Variants in DIAPH1 observed in about 807,000 individuals in gnomAD.
DIAPH1 encodes protein diaphanous homolog 1.
A neutral mutation model predicts 140.7 loss-of-function variants in DIAPH1; 46 were observed. That is an observed-to-expected ratio of 0.33 (90% CI 0.26 to 0.42). DIAPH1 has a LOEUF of 0.42. Among genes scored for constraint, DIAPH1 ranks in the 10% least tolerant of loss-of-function variants. The pLI is 1.00. For synonymous variants in DIAPH1, 565 were observed against 551.6 expected (o/e 1.02, Z -0.34); for missense variants, 1,310 against 1,558.7 (o/e 0.84, Z 2.69).
intron 19 of DIAPH1, 77 bp downstream of exon 19, chr5:141,534,258 C>T (rs1361056838): frequency 1.5e-5 from 17 of 1,131,870 alleles, no homozygotes; most frequent in East Asian, 2.3e-5. Flanking sequence ...TATCAAGGGA[C>T]CATAGATTCA....
At chr5:141,527,002 C>A (rs1321599970) in intron 24 of DIAPH1, among the ~76,000 whole-genome samples, 2 of 152,132 alleles carry the variant, frequency 1.3e-5, no homozygotes, top group Admixed American at 1.3e-4. Context: ...CAATACAATG[C>A]AGTTTTTGTT....
intron 1 of DIAPH1, among the ~76,000 whole-genome samples, chr5:141,614,153 T>C (rs946829774): frequency 6.6e-6 from 1 of 152,170 alleles, no homozygotes; most frequent in Admixed American, 6.6e-5. Flanking sequence ...AAAGTTTGTT[T>C]CAAAATGGGG....
intron 18 of DIAPH1, among the ~76,000 whole-genome samples, chr5:141,547,247 T>C (rs1454744392): frequency 4.6e-5 from 7 of 152,190 alleles, no homozygotes; most frequent in Non-Finnish European, 1.0e-4. Flanking sequence ...GGGCGGATCA[T>C]GAGGTCAGGA....
chr5:141,582,489 T>C, intron 6 of DIAPH1, 114 bp from the exon 7 acceptor site: 1 of 777,738 alleles, frequency 1.3e-6, no homozygotes, highest in Non-Finnish European at 2.3e-6. Context: ...GATGAGTAAA[T>C]TTTAGGAAAT....
intron 1 of DIAPH1, among the ~76,000 whole-genome samples, chr5:141,610,100 C>T (rs1396042066): frequency 6.6e-6 from 1 of 152,156 alleles, no homozygotes; most frequent in Admixed American, 6.5e-5. Flanking sequence ...GAGTTCGAGA[C>T]CAGCCTGGGC....
chr5:141,591,546 T>C (rs2099898407), intron 1 of DIAPH1, among the ~76,000 whole-genome samples: 1 of 150,926 alleles, frequency 6.6e-6, no homozygotes, highest in Admixed American at 6.6e-5. Context: ...ACTGAGGTCA[T>C]ATGATTAGGG....
In DIAPH1 at chr5:141,560,055, T is replaced by TA. The variant is rs553362648; in HGVS notation, c.2482+11372dup. On this transcript the variant is annotated intron_variant, in intron 18 of 27. Transcript: ENST00000389054. ...ACATCTCTAAAAGATGATGACTTTT[T>TA]AAAAAATGCCATGAAACCATTATCA... Among the ~76,000 whole-genome samples the TA allele has an allele frequency of 3.3e-5, 5 of 152,218 alleles. No individual in the cohort carries two copies. The South Asian group carries it at 1.0e-3, about 32-fold the overall frequency.
chr5:141,594,945 G>A (rs575049476), intron 1 of DIAPH1, among the ~76,000 whole-genome samples: 4 of 151,598 alleles, frequency 2.6e-5, no homozygotes, highest in East Asian at 1.9e-4. Context: ...GGAGGCTGAG[G>A]CAGGAGAATC....
At chr5:141,538,717 G>A (rs943672200) in intron 18 of DIAPH1, among the ~76,000 whole-genome samples, 19 of 152,218 alleles carry the variant, frequency 1.2e-4, no homozygotes, top group Middle Eastern at 3.4e-3. Flanking sequence ...ACAGGCGTGA[G>A]CCACCGTGCC....
chr5:141,540,791 G>A (rs1043172539), intron 18 of DIAPH1, among the ~76,000 whole-genome samples: 4 of 151,678 alleles, frequency 2.6e-5, no homozygotes, highest in Middle Eastern at 3.4e-3. Context: ...CCTGTGTGGT[G>A]GCTCACGCCT....
intron 14 of DIAPH1, among the ~76,000 whole-genome samples, 160 bp downstream of exon 14, chr5:141,576,070 A>G (rs535547949): frequency 8.6e-4 from 131 of 152,334 alleles, no homozygotes; most frequent in African/African-American, 3.1e-3. Context: ...ACTTTCTCCA[A>G]TGACTACCCT....
intron 1 of DIAPH1, among the ~76,000 whole-genome samples, chr5:141,590,149 CATT>C (rs1471682989): frequency 1.3e-5 from 2 of 152,294 alleles, no homozygotes; most frequent in East Asian, 1.9e-4. Flanking sequence ...GAAAAATCTA[CATT>C]ATTATGTTCA....
intron 1 of DIAPH1, among the ~76,000 whole-genome samples, chr5:141,601,671 C>T (rs6880741): frequency 0.13 from 20,338 of 152,190 alleles, 1,349 homozygotes; most frequent in South Asian, 0.16. Context: ...AAAATCATGT[C>T]TTATTCAACT....
chr5:141,584,888 G>A (rs754781945), intron 3 of DIAPH1, among the ~76,000 whole-genome samples: 3 of 152,110 alleles, frequency 2.0e-5, no homozygotes, highest in Admixed American at 6.5e-5. Context: ...AAATATGGAT[G>A]GGGGGATGTA....
At chr5:141,525,952 G>A in intron 26 of DIAPH1, 86 bp downstream of exon 26, 1 of 1,600,864 alleles carries the variant, frequency 6.2e-7, no homozygotes, top group South Asian at 1.1e-5. Flanking sequence ...GGTGAGCTCA[G>A]ACATGAGACT....
chr5:141,519,510 G>T (rs1260668425), intron 27 of DIAPH1, among the ~76,000 whole-genome samples: 2 of 152,142 alleles, frequency 1.3e-5, no homozygotes, highest in Admixed American at 1.3e-4. Flanking sequence ...CCATGTGGTA[G>T]GTCTTTAGCT....
chr5:141,530,635 C>CA (rs2099888070), intron 19 of DIAPH1, among the ~76,000 whole-genome samples: 1 of 152,206 alleles, frequency 6.6e-6, no homozygotes, highest in South Asian at 2.1e-4. Context: ...CACTGCCCCA[C>CA]CACTTCCCCA....
In DIAPH1 at chr5:141,573,635, G is replaced by A; in HGVS notation, c.2215C>T (p.Pro739Ser). 6.2e-7 allele frequency: 1 copy of A among 1,613,640 alleles called. No homozygotes were observed. Among genetic ancestry groups the A allele is most frequent in the South Asian group, 1.1e-5 (1 of 91,048 alleles). ...ATACCCATTCCGGGTGGAGGTGGAGGAATGCCAGGGCCTCCGGGAAATGGA... is the reference window on the plus strand; with the variant it reads ...ATACCCATTCCGGGTGGAGGTGGAGAAATGCCAGGGCCTCCGGGAAATGGA... The part of the protein sequence containing the change: ...PPPFPGGPGI[P>S]PPPPGMGMPP... Residue 739 changes from proline to serine, a missense_variant, in exon 16 of 28, where the codon CCT (proline) becomes TCT (serine). By Grantham distance (74) the Pro-to-Ser change is moderately conservative. Transcript: ENST00000389054.
intron 18 of DIAPH1, among the ~76,000 whole-genome samples, chr5:141,551,091 C>G (rs1159340281): frequency 6.6e-6 from 1 of 152,152 alleles, no homozygotes; most frequent in Non-Finnish European, 1.5e-5. Flanking sequence ...GATTAAATAA[C>G]AGTATTGCAC....
Sources: allele counts gnomAD v4.1 joint callset (sites outside exome capture counted in the v4.1 genomes callset), GRCh38; gene constraint gnomAD v4.1.1; transcripts MANE v1.5; gene names NCBI Gene and HGNC (gene_info 2026-07-23, HGNC 2026-07-21).